The following GLTP variants were observed in gnomAD, a reference collection of about 807,000 sequenced individuals.
GLTP encodes the protein glycolipid transfer protein.
In GLTP, 22 loss-of-function variants were observed where a neutral mutation model predicts 24.0. The ratio of observed to expected loss-of-function variants is 0.92; its 90% CI spans 0.65 to 1.31. The LOEUF (loss-of-function observed/expected upper bound fraction) is 1.31, where lower values mean the gene tolerates loss of function less well. Ranked by LOEUF, GLTP falls within the 50% of genes most tolerant of loss-of-function variation. GLTP has a pLI of 0.00. For synonymous variants in GLTP, 92 were observed against 115.9 expected (o/e 0.79, Z 1.33); for missense variants, 224 against 276.6 (o/e 0.81, Z 1.35).
chr12:109,863,764 T>G (rs1490315287), intron 1 of GLTP, among the ~76,000 whole-genome samples: 1 of 152,258 alleles, frequency 6.6e-6, no homozygotes, highest in East Asian at 1.9e-4. Flanking sequence ...CTCAAAGCAC[T>G]GACCACGATT....
chr12:109,852,468 A>T lies in GLTP; in HGVS notation c.*87T>A. ...GCTCTGGGGGACACAGGCCAGGGGC[A>T]GTTCACCGACTTGATTCACAGTGAT... On this transcript the variant is annotated 3_prime_UTR_variant, in exon 5 of 5. Coordinates refer to ENST00000318348, the MANE Select transcript of GLTP (RefSeq NM_016433.4). 1 of 819,440 alleles carries T rather than the reference A, an allele frequency of 1.2e-6. No individual in the cohort carries two copies. Among genetic ancestry groups the T allele is most frequent in the South Asian group, 1.5e-5 (1 of 66,328 alleles). The allele number at this position is 819,440 out of a possible 1,614,324, so 50.8% of individuals were successfully genotyped here. A position where few individuals can be genotyped will look rare whatever the true frequency, so the allele number is the denominator to read the frequency against.
chr12:109,858,569 C>T (rs146870743), intron 2 of GLTP, 114 bp downstream of exon 2: 1 of 778,422 alleles, frequency 1.3e-6, no homozygotes, highest in African/African-American at 1.7e-5. Flanking sequence ...TCCATGTCTC[C>T]ATTCCCTTCC....
At chr12:109,865,532 G>A (rs1868498631) in intron 1 of GLTP, among the ~76,000 whole-genome samples, 2 of 151,970 alleles carry the variant, frequency 1.3e-5, no homozygotes, top group Non-Finnish European at 2.9e-5. Context: ...GGAGGGTGAG[G>A]CAAGAGAATC....
intron 1 of GLTP, among the ~76,000 whole-genome samples, chr12:109,864,554 C>T (rs777046482): frequency 1.3e-5 from 2 of 152,186 alleles, no homozygotes; most frequent in African/African-American, 2.4e-5. Flanking sequence ...CCACCCAAGG[C>T]TCTGGGCTTA....
intron 4 of GLTP, among the ~76,000 whole-genome samples, chr12:109,853,586 GCTGAGGCAGGA>G (rs1032606784): frequency 1.3e-5 from 2 of 151,322 alleles, no homozygotes; most frequent in Admixed American, 1.3e-4. Flanking sequence ...TACTCGGGAG[GCTGAGGCAGGA>G]GAATTGCTTG....
chr12:109,869,480 G>C (rs556471924), intron 1 of GLTP, among the ~76,000 whole-genome samples: 1 of 125,828 alleles, frequency 7.9e-6, no homozygotes, highest in Non-Finnish European at 1.6e-5. Context: ...TTTTTGAGAC[G>C]GAGTCTCACT....
At chr12:109,867,774 TTC>T (rs1365515760) in intron 1 of GLTP, among the ~76,000 whole-genome samples, 9 of 135,488 alleles carry the variant, frequency 6.6e-5, no homozygotes, top group Admixed American at 2.5e-4. Flanking sequence ...GCTTTTTCTT[TTC>T]TCTTTTTTTT....
At position 109,880,232 on chromosome 12, in the gene GLTP, G is replaced by T; in HGVS notation, c.103+40C>A. The T allele has an allele frequency of 8.2e-7, 1 of 1,217,230 alleles. No homozygotes were observed. The highest frequency in any genetic ancestry group is 1.2e-6 in the Non-Finnish European group (1 of 838,924). 75.4% of individuals were successfully genotyped at this position (1,217,230 alleles called of 1,614,324 possible). A position where few individuals can be genotyped will look rare whatever the true frequency, so the allele number is the denominator to read the frequency against. On this transcript the variant is annotated intron_variant, in intron 1 of 4. Coordinates refer to ENST00000318348, the MANE Select transcript of GLTP (RefSeq NM_016433.4). This position sits in a 1 kb window ranked among gnomAD's most constrained non-coding sequence, Gnocchi z 5.1. The stretch of plus-strand genomic sequence containing the variant: ...CGGGGGAAGGAGGATTCGGGTGCGC[G>T]TGGGGCTGCGGGCCGCCTCCCCCCT...
chr12:109,853,269 G>A lies in GLTP; in HGVS notation c.448-532C>T, dbSNP rs367847772. Among the ~76,000 whole-genome samples, 4 of 152,096 alleles carry A rather than the reference G, an allele frequency of 2.6e-5. No individual in the cohort carries two copies. The East Asian group carries it at 5.8e-4, about 22-fold the overall frequency. ...GGAGACGACTGCTAAATATGCTGTAGTCTCTCTTTTGTCCTTAGGGGGGCG... is the reference window on the plus strand; with the variant it reads ...GGAGACGACTGCTAAATATGCTGTAATCTCTCTTTTGTCCTTAGGGGGGCG... On this transcript the variant is annotated intron_variant, in intron 4 of 4. Coordinates refer to ENST00000318348, the MANE Select transcript of GLTP (RefSeq NM_016433.4).
intron 1 of GLTP, among the ~76,000 whole-genome samples, chr12:109,865,297 T>G (rs1330134396): frequency 1.3e-5 from 2 of 152,202 alleles, no homozygotes; most frequent in African/African-American, 4.8e-5. Context: ...CTTTTAAACA[T>G]TTTTTATTTA....
chr12:109,870,850 G>A (rs898434362), intron 1 of GLTP, among the ~76,000 whole-genome samples: 3 of 152,110 alleles, frequency 2.0e-5, no homozygotes, highest in Non-Finnish European at 2.9e-5. Context: ...AGTGTGAGTC[G>A]ACTGCCTAAC....
intron 1 of GLTP, among the ~76,000 whole-genome samples, chr12:109,861,074 T>C (rs1592890121): frequency 6.6e-6 from 1 of 150,948 alleles, no homozygotes; most frequent in African/African-American, 2.4e-5. Flanking sequence ...CCCACGGGAG[T>C]GAAAGGCCAA....
intron 1 of GLTP, among the ~76,000 whole-genome samples, chr12:109,874,314 A>G (rs887443435): frequency 6.6e-6 from 1 of 152,154 alleles, no homozygotes; most frequent in Non-Finnish European, 1.5e-5. Context: ...CTCTGATTCT[A>G]GGCTGCCACT....
Position 109,852,373 on chromosome 12 carries a change from C to CAAAAAAA in GLTP, c.*175_*181dup, listed in dbSNP as rs56313678. Reference sequence around the variant, plus strand: ...TATTTACTGGTCCTTTAGAATAGACCAAAAAAAAAAAAAAAAAAGACTTAA... The same window carrying CAAAAAAA: ...TATTTACTGGTCCTTTAGAATAGACCAAAAAAAAAAAAAAAAAAAAAAAAAGACTTAA... On this transcript the variant is annotated 3_prime_UTR_variant, in exon 5 of 5. Transcript: ENST00000318348. 133 of 283,952 alleles carry CAAAAAAA rather than the reference C, an allele frequency of 4.7e-4. No homozygotes were observed. The highest frequency in any genetic ancestry group is 1.3e-3 in the South Asian group (25 of 19,480). 17.6% of individuals were successfully genotyped at this position (283,952 alleles called of 1,614,324 possible).
rs1329543705 is a variant in GLTP, at chr12:109,880,193, G to A, written c.103+79C>T. 21 of 824,302 alleles carry A rather than the reference G, an allele frequency of 2.5e-5. No individual in the cohort carries two copies. Among genetic ancestry groups the A allele is most frequent in the Non-Finnish European group, 3.8e-5 (19 of 501,272 alleles). The allele number at this position is 824,302 out of a possible 1,614,324, so 51.1% of individuals were successfully genotyped here. On this transcript the variant is annotated intron_variant, in intron 1 of 4. Coordinates refer to ENST00000318348, the MANE Select transcript of GLTP (RefSeq NM_016433.4). The surrounding 1 kb of genome is among the most constrained non-coding windows in gnomAD (Gnocchi z 5.1). ...ACTTAGGGGTGTCTAGGGCAGAGAT[G>A]GTTAGGGGATGCTCGGGGGAAGGAG...
At chr12:109,854,365 CAAAAA>C (rs34720686) in intron 4 of GLTP, among the ~76,000 whole-genome samples, 1 of 97,606 alleles carries the variant, frequency 1.0e-5, no homozygotes, top group Non-Finnish European at 2.0e-5. Context: ...GACCCTGTCT[CAAAAA>C]AAAAAAAAAA....
intron 1 of GLTP, chr12:109,859,663 T>A (rs1325271362): frequency 6.6e-6 from 1 of 151,020 alleles, no homozygotes; most frequent in African/African-American, 2.4e-5. Flanking sequence ...AGAATAAGGA[T>A]ATAAAGAATT....
Position 109,852,664 on chromosome 12 carries a change from T to G in GLTP, c.521A>C (p.Glu174Ala). The change falls in exon 5 of 5, where the codon GAG (glutamate) becomes GCG (alanine). Residue 174 changes from glutamate to alanine, a missense_variant. Transcript: ENST00000318348. Reference sequence around the variant, plus strand: ...GAGGCGGATCTTCTCCAGGCACTCCTCCTCCGTAACATTCTGCCCCTTGGA... The same window carrying G: ...GAGGCGGATCTTCTCCAGGCACTCCGCCTCCGTAACATTCTGCCCCTTGGA... ...ALSKGQNVTEEECLEKIRLFL... is the reference protein window; with the variant it reads ...ALSKGQNVTEAECLEKIRLFL... The G allele has an allele frequency of 1.2e-6, 2 of 1,607,698 alleles. No homozygotes were observed. Among genetic ancestry groups the G allele is most frequent in the Non-Finnish European group, 1.7e-6 (2 of 1,174,168 alleles).
chr12:109,869,106 C>T (rs564616222), intron 1 of GLTP, among the ~76,000 whole-genome samples: 16 of 152,096 alleles, frequency 1.1e-4, no homozygotes, highest in African/African-American at 3.9e-4. Context: ...TCAAAATTAG[C>T]CTGGCCAACA....
Sources: allele counts gnomAD v4.1 joint callset (sites outside exome capture counted in the v4.1 genomes callset), GRCh38; gene constraint gnomAD v4.1.1; non-coding constraint Gnocchi (gnomAD v3.1); transcripts MANE v1.5; gene names NCBI Gene and HGNC (gene_info 2026-07-23, HGNC 2026-07-21).